Variants in SEZ6L observed in about 807,000 individuals in gnomAD.
SEZ6L encodes the protein seizure related 6 homolog like.
In SEZ6L, 37 loss-of-function variants were observed where a neutral mutation model predicts 106.2. The observed-to-expected ratio is 0.35, with a 90% CI of 0.27 to 0.46. The LOEUF (loss-of-function observed/expected upper bound fraction) is 0.46. Among genes scored for constraint, SEZ6L ranks in the 20% least tolerant of loss-of-function variants. SEZ6L has a pLI of 1.00. For missense variants in SEZ6L, 1,172 were observed against 1,332.8 expected (o/e 0.88, Z 1.88); for synonymous variants, 541 against 570.4 (o/e 0.95, Z 0.73).
Position 26,351,170 on chromosome 22 carries a change from G to A in SEZ6L, c.2526G>A (p.Gly842=), listed in dbSNP as rs1432743398. The change falls in exon 12 of 17, where the codon GGG becomes GGA. Residue 842 remains glycine (G), a synonymous_variant. Transcript: ENST00000248933. The part of the protein sequence containing the change: ...YTCNPGFVLE[G]SSLLTCYSRE... ...GCAACCCCGGTTTTGTGCTTGAAGG[G>A]AGTTCTCTTCTGACCTGCTACAGCC... 1 of 1,614,184 alleles carries A rather than the reference G, an allele frequency of 6.2e-7. No individual in the cohort carries two copies. Among genetic ancestry groups the A allele is most frequent in the Non-Finnish European group, 8.5e-7 (1 of 1,180,044 alleles).
At chr22:26,258,884 A>G (rs2079909881) in intron 1 of SEZ6L, among the ~76,000 whole-genome samples, 1 of 152,176 alleles carries the variant, frequency 6.6e-6, no homozygotes, top group South Asian at 2.1e-4. Flanking sequence ...AAGCTGGGGA[A>G]CAATATGGTC....
chr22:26,293,689 G>A (rs1408417382), intron 2 of SEZ6L, among the ~76,000 whole-genome samples: 2 of 152,176 alleles, frequency 1.3e-5, no homozygotes, highest in Non-Finnish European at 2.9e-5. Flanking sequence ...CCTGCCAAAG[G>A]TCACACAGCT....
intron 13 of SEZ6L, among the ~76,000 whole-genome samples, chr22:26,369,165 G>C (rs960789991): frequency 6.6e-6 from 1 of 151,714 alleles, no homozygotes; most frequent in Admixed American, 6.6e-5. Context: ...CCTTTCCACG[G>C]AGATTCTGAT....
At chr22:26,196,097 G>A (rs1482016945) in intron 1 of SEZ6L, among the ~76,000 whole-genome samples, 1 of 152,100 alleles carries the variant, frequency 6.6e-6, no homozygotes, top group Non-Finnish European at 1.5e-5. Flanking sequence ...TCATGGGGGT[G>A]GTCCTTCATG....
At chr22:26,305,848 G>A in intron 5 of SEZ6L, 131 bp from the exon 6 acceptor site, 1 of 969,136 alleles carries the variant, frequency 1.0e-6, no homozygotes, top group South Asian at 1.8e-5. Flanking sequence ...TGGGCAAGGG[G>A]CAGGGGTGGG....
intron 9 of SEZ6L, among the ~76,000 whole-genome samples, chr22:26,338,867 C>CTTTTTCTTTTTTT (rs1213449935): frequency 2.3e-5 from 2 of 87,484 alleles, no homozygotes; most frequent in South Asian, 4.2e-4. Flanking sequence ...TTTTTTTTTT[C>CTTTTTCTTTTTTT]TTTTTTTTTT....
At chr22:26,290,350 T>G (rs527393831) in intron 1 of SEZ6L, among the ~76,000 whole-genome samples, 5 of 152,154 alleles carry the variant, frequency 3.3e-5, no homozygotes, top group African/African-American at 1.2e-4. Context: ...GCTAACATGG[T>G]GAAACCCTGT....
intron 11 of SEZ6L, among the ~76,000 whole-genome samples, chr22:26,348,636 G>GAA (rs1222393403): frequency 0.011 from 304 of 26,956 alleles, 1 homozygote; most frequent in East Asian, 0.058. Flanking sequence ...AAGAAAGAAA[G>GAA]AAAGAAAGAA....
intron 1 of SEZ6L, among the ~76,000 whole-genome samples, chr22:26,238,981 G>C (rs541396166): frequency 6.6e-6 from 1 of 152,310 alleles, no homozygotes; most frequent in South Asian, 2.1e-4. Context: ...TCAACACTTT[G>C]GGAGGCCAAG....
chr22:26,305,993 G>C lies in SEZ6L; in HGVS notation c.1363G>C (p.Ala455Pro), dbSNP rs762580609. 6.8e-6 allele frequency: 11 copies of C among 1,613,494 alleles called. No individual in the cohort carries two copies. Among genetic ancestry groups the C allele is most frequent in the Non-Finnish European group, 9.3e-6 (11 of 1,179,752 alleles). The change falls in exon 6 of 17, where the codon GCA becomes CCA. Residue 455 changes from alanine to proline, a missense_variant. By Grantham distance (27) the Ala-to-Pro change is conservative (BLOSUM62 -1). Around this residue, in one of 4 missense-constraint regions of SEZ6L, gnomAD observed 534 missense variants for 691.0 expected, o/e 0.77. Transcript: ENST00000248933. ...TTCTGGATCAGCTCCTTGTGGAGGG[G>C]CAGTGCACAATGCCACCATCGGCCG... The part of the protein sequence containing the change: ...EPICSAPCGG[A>P]VHNATIGRVL...
At chr22:26,181,950 A>G (rs1018382652) in intron 1 of SEZ6L, among the ~76,000 whole-genome samples, 7 of 152,218 alleles carry the variant, frequency 4.6e-5, no homozygotes, top group African/African-American at 1.4e-4. Flanking sequence ...CAGTCGTGAG[A>G]CGCATGGCTG....
At chr22:26,369,341 C>CTTTTTTTTTTTTTTTTTTTTTTTT (rs199641007) in intron 13 of SEZ6L, among the ~76,000 whole-genome samples, 5,394 of 102,952 alleles carry the variant, frequency 0.052, 1,405 homozygotes, top group East Asian at 0.14. Flanking sequence ...ATAAGCAGTT[C>CTTTTTTTTTTTTTTTTTTTTTTTT]TTTTGTTTTT....
At chr22:26,331,163 C>T (rs17305413) in intron 9 of SEZ6L, among the ~76,000 whole-genome samples, 16,429 of 152,192 alleles carry the variant, frequency 0.11, 934 homozygotes, top group Middle Eastern at 0.17. Flanking sequence ...GGAAGTCAGC[C>T]CATTCCATGC....
chr22:26,338,815 C>G (rs531827346), intron 9 of SEZ6L, among the ~76,000 whole-genome samples: 181 of 141,674 alleles, frequency 1.3e-3, no homozygotes, highest in Non-Finnish European at 2.1e-3. Flanking sequence ...CTCGGCCTCC[C>G]AAAGTGCTGG....
At chr22:26,368,254 T>C (rs2083887173) in intron 13 of SEZ6L, among the ~76,000 whole-genome samples, 1 of 152,212 alleles carries the variant, frequency 6.6e-6, no homozygotes, top group Non-Finnish European at 1.5e-5. Context: ...CTCCGAGGTA[T>C]ATTTCCAAAA....
chr22:26,333,624 C>T (rs1305145833), intron 9 of SEZ6L, among the ~76,000 whole-genome samples: 1 of 152,100 alleles, frequency 6.6e-6, no homozygotes, highest in Non-Finnish European at 1.5e-5. Context: ...GAGACACACA[C>T]TCAGCATGGT....
At chr22:26,265,977 A>C (rs1220827230) in intron 1 of SEZ6L, among the ~76,000 whole-genome samples, 2 of 152,232 alleles carry the variant, frequency 1.3e-5, no homozygotes, top group African/African-American at 4.8e-5. Context: ...ACAAGTCATT[A>C]TAATGCAACA....
At chr22:26,171,243 G>C (rs2123754211) in intron 1 of SEZ6L, among the ~76,000 whole-genome samples, 1 of 152,318 alleles carries the variant, frequency 6.6e-6, no homozygotes, top group South Asian at 2.1e-4. Context: ...GGTCTGGACA[G>C]TTTCTCTGGG....
intron 1 of SEZ6L, among the ~76,000 whole-genome samples, chr22:26,171,321 T>C (rs1289576287): frequency 6.6e-6 from 1 of 152,202 alleles, no homozygotes; most frequent in Non-Finnish European, 1.5e-5. Flanking sequence ...CTTAATTAGC[T>C]GTCTCTTTCT....
Sources: allele counts gnomAD v4.1 joint callset (sites outside exome capture counted in the v4.1 genomes callset), GRCh38; gene constraint gnomAD v4.1.1; regional missense constraint gnomAD v4.1.1; transcripts MANE v1.5; gene names NCBI Gene and HGNC (gene_info 2026-07-23, HGNC 2026-07-21).